ERAP1: variants seen among roughly 807,000 people sequenced by gnomAD.
The protein encoded by ERAP1 is adipocyte-derived leucine aminopeptidase.
A neutral mutation model predicts 103.7 loss-of-function variants in ERAP1; 86 were observed. The ratio of observed to expected loss-of-function variants is 0.83; its 90% CI spans 0.70 to 0.99. ERAP1 has a LOEUF of 0.99. ERAP1 is among the 50% of genes least tolerant of loss of function. The pLI, the probability that ERAP1 is intolerant of heterozygous loss-of-function variation, is 0.00. For missense variants in ERAP1, 1,009 were observed against 1,128.4 expected, an observed-to-expected ratio of 0.89 and a Z score of 1.52; for synonymous variants, 398 against 402.4, an observed-to-expected ratio of 0.99 and a Z score of 0.13.
chr5:96,933,869 C>T, the ERAP1 span, among the ~76,000 whole-genome samples: 1 of 152,190 alleles, frequency 6.6e-6, no homozygotes, highest in African/African-American at 2.4e-5. Flanking sequence ...GATACATCAG[C>T]TCCTGTGGTT....
chr5:96,909,502 T>C, the ERAP1 span: 1 of 1,087,614 alleles, frequency 9.2e-7, no homozygotes, highest in Non-Finnish European at 1.4e-6. Flanking sequence ...AAGTTTAGAG[T>C]TGAGCCCTTT....
chr5:96,790,765 T>C (rs1776644791), intron 8 of ERAP1, 122 bp from the exon 9 acceptor site: 2 of 884,168 alleles, frequency 2.3e-6, no homozygotes, highest in Admixed American at 4.3e-5. Flanking sequence ...ACTGTTAATG[T>C]CTGGCAATTT....
At chr5:96,780,663 G>A (rs1775038577) in intron 17 of ERAP1, among the ~76,000 whole-genome samples, 159 bp from the exon 18 acceptor site, 1 of 152,204 alleles carries the variant, frequency 6.6e-6, no homozygotes, top group African/African-American at 2.4e-5. Context: ...TAGCTGTAAA[G>A]AATAATACAC....
chr5:96,836,745 ATTC>A, the ERAP1 span, among the ~76,000 whole-genome samples: 5 of 152,228 alleles, frequency 3.3e-5, no homozygotes, highest in Admixed American at 6.5e-5. Context: ...ATCCCAACTT[ATTC>A]TAGCAATAAA....
the ERAP1 span, among the ~76,000 whole-genome samples, chr5:96,856,349 A>AAAAATATATATATAT: frequency 1.2e-4 from 1 of 8,536 alleles, no homozygotes; most frequent in African/African-American, 3.6e-4. Flanking sequence ...AAAAAAAAAA[A>AAAAATATATATATAT]ATATATATAT....
chr5:96,914,148 T>TCACACA, the ERAP1 span, among the ~76,000 whole-genome samples: 17 of 148,078 alleles, frequency 1.1e-4, no homozygotes, highest in African/African-American at 4.0e-4. Context: ...TCTCTCTCTC[T>TCACACA]CACACACACA....
the ERAP1 span, among the ~76,000 whole-genome samples, chr5:96,834,802 G>A: frequency 6.6e-6 from 1 of 152,160 alleles, no homozygotes; most frequent in East Asian, 1.9e-4. Context: ...ATTGCATGGT[G>A]TTTAACCTCT....
rs185035360 is a variant in ERAP1, at chr5:96,781,644, T to C, written c.2447+49A>G. On this transcript the variant is annotated intron_variant, in intron 16 of 18. Coordinates refer to ENST00000443439, the MANE Select transcript of ERAP1 (RefSeq NM_001040458.3). ...AAATAGATGCCAGAATGATCTAATC[T>C]AATCTAATTTCCCTTGGCCACATGA... 41 of 1,611,700 alleles carry C rather than the reference T, an allele frequency of 2.5e-5. No homozygotes were observed. In the African/African-American group the frequency reaches 4.0e-4, roughly 16 times the overall value.
chr5:96,909,052 T>A, the ERAP1 span: 1 of 1,614,066 alleles, frequency 6.2e-7, no homozygotes, highest in African/African-American at 1.3e-5. Flanking sequence ...AGGTCTGAGT[T>A]ACTTGGAATC....
At chr5:96,848,570 A>C in the ERAP1 span, 1 of 152,224 alleles carries the variant, frequency 6.6e-6, no homozygotes, top group Non-Finnish European at 1.5e-5. Flanking sequence ...TAACCTACCA[A>C]AACTCCATCA....
the ERAP1 span, chr5:96,873,346 C>T: frequency 2.2e-6 from 1 of 456,232 alleles, no homozygotes; most frequent in Non-Finnish European, 4.4e-6. Context: ...AGGTGGAATC[C>T]TGGTGCGTGG....
At chr5:96,931,826 G>C in the ERAP1 span, among the ~76,000 whole-genome samples, 8 of 152,280 alleles carry the variant, frequency 5.3e-5, no homozygotes, top group African/African-American at 1.7e-4. Flanking sequence ...CTCATATAGA[G>C]GACTGAAGAG....
At chr5:96,872,254 T>C in the ERAP1 span, among the ~76,000 whole-genome samples, 1 of 151,608 alleles carries the variant, frequency 6.6e-6, no homozygotes, top group South Asian at 2.1e-4. Flanking sequence ...ATTCATTCTG[T>C]ATCTCCCCAC....
At chr5:96,845,743 C>G in the ERAP1 span, among the ~76,000 whole-genome samples, 1 of 152,106 alleles carries the variant, frequency 6.6e-6, no homozygotes, top group Non-Finnish European at 1.5e-5. Flanking sequence ...TCCTCTATTT[C>G]CTCAATAGAA....
Position 96,783,152 on chromosome 5 carries a change from CCGCAGCATTCGCTCTG to C in ERAP1, c.2168_2183del (p.Ser723Ter), listed in dbSNP as rs1775462856. On this transcript the variant is annotated frameshift_variant, in exon 15 of 19. Coordinates refer to ENST00000443439, the MANE Select transcript of ERAP1 (RefSeq NM_001040458.3). LOFTEE classifies it high-confidence loss of function. ...CACAGGCGAGGAGTAGTAGTTGACT[CCGCAGCATTCGCTCTG>C]AGACTGAGCCCTCGTCTGTCCATGT... The C allele has an allele frequency of 1.2e-6, 2 of 1,614,084 alleles. No individual in the cohort carries two copies. The highest frequency in any genetic ancestry group is 3.3e-5 in the Admixed American group (2 of 60,002).
chr5:96,913,253 C>A, the ERAP1 span: 1 of 1,313,288 alleles, frequency 7.6e-7, no homozygotes, highest in Non-Finnish European at 1.1e-6. Flanking sequence ...ATATTGGTGG[C>A]TTGAGTTAAT....
At chr5:96,839,321 A>C in the ERAP1 span, among the ~76,000 whole-genome samples, 4 of 152,142 alleles carry the variant, frequency 2.6e-5, no homozygotes, top group African/African-American at 9.7e-5. Context: ...CACCCCCCAG[A>C]GATCTGGCTG....
intron 3 of ERAP1, among the ~76,000 whole-genome samples, 161 bp from the exon 4 acceptor site, chr5:96,797,470 G>A (rs1048984947): frequency 6.6e-6 from 1 of 152,140 alleles, no homozygotes; most frequent in African/African-American, 2.4e-5. Context: ...TTTGCGACCA[G>A]CCTAAGCAAC....
At chr5:96,893,992 T>A in the ERAP1 span, among the ~76,000 whole-genome samples, 1 of 152,214 alleles carries the variant, frequency 6.6e-6, no homozygotes, top group African/African-American at 2.4e-5. Flanking sequence ...AACACTGTCC[T>A]GGCAAAACTG....
Sources: allele counts gnomAD v4.1 joint callset (sites outside exome capture counted in the v4.1 genomes callset), GRCh38; gene constraint gnomAD v4.1.1; transcripts MANE v1.5; gene names NCBI Gene and HGNC (gene_info 2026-07-23, HGNC 2026-07-21).